The following RCOR1 variants were observed in gnomAD, a reference collection of about 807,000 sequenced individuals.
RCOR1 encodes the protein REST corepressor 1, also known as REST corepressor.
RCOR1 carries 12 observed loss-of-function variants against 64.0 expected under a neutral mutation model. The ratio of observed to expected loss-of-function variants is 0.19; its 90% CI spans 0.12 to 0.30. The LOEUF is 0.30. RCOR1 is among the 10% of genes least tolerant of loss of function. RCOR1 has a pLI of 1.00. For missense variants in RCOR1, 502 were observed against 621.2 expected, an observed-to-expected ratio of 0.81 and a Z score of 2.04; for synonymous variants, 279 against 227.2, an observed-to-expected ratio of 1.23 and a Z score of -2.05.
chr14:102,600,628 T>C (rs1481155461), intron 2 of RCOR1, among the ~76,000 whole-genome samples: 3 of 149,764 alleles, frequency 2.0e-5, no homozygotes, highest in Non-Finnish European at 4.4e-5. Flanking sequence ...TGGAGTGCAG[T>C]GGCGTGATCT....
At chr14:102,599,572 A>G (rs1446505812) in intron 2 of RCOR1, among the ~76,000 whole-genome samples, 6 of 152,136 alleles carry the variant, frequency 3.9e-5, no homozygotes, top group Non-Finnish European at 5.9e-5. Context: ...GTTTAATCCA[A>G]TGTATTTAAT....
chr14:102,709,811 T>C (rs1895922086), intron 6 of RCOR1, among the ~76,000 whole-genome samples: 1 of 152,248 alleles, frequency 6.6e-6, no homozygotes, highest in African/African-American at 2.4e-5. Context: ...AGATGCAGTT[T>C]ACTAAGCAGC....
chr14:102,599,803 G>T (rs1356641778), intron 2 of RCOR1, among the ~76,000 whole-genome samples: 40 of 93,820 alleles, frequency 4.3e-4, no homozygotes, highest in African/African-American at 1.2e-3. Flanking sequence ...GTTTTGTTTT[G>T]TTTTGTTTTT....
Position 102,722,357 on chromosome 14 carries a change from A to G in RCOR1, c.1360A>G (p.Asn454Asp). 1 of 1,614,182 alleles carries G rather than the reference A, an allele frequency of 6.2e-7. No individual in the cohort carries two copies. The highest frequency in any genetic ancestry group is 1.1e-5 in the South Asian group (1 of 91,084). The stretch of plus-strand genomic sequence containing the variant: ...TAAAGAAGAGACCAATGGGCCCAGT[A>G]ACCAGAAGCCTGTGAAGTCCCCAGA... ...HGKEETNGPS[N>D]QKPVKSPDNS... The change falls in exon 11 of 12, where the codon AAC becomes GAC. Residue 454 changes from asparagine (N) to aspartate (D), a missense_variant. Coordinates refer to ENST00000262241, the MANE Select transcript of RCOR1 (RefSeq NM_015156.4).
At chr14:102,708,837 G>A (rs556640831) in intron 6 of RCOR1, among the ~76,000 whole-genome samples, 3 of 152,198 alleles carry the variant, frequency 2.0e-5, no homozygotes, top group African/African-American at 7.2e-5. Context: ...AGAAGGGGTG[G>A]CTCCTTTTAA....
Position 102,639,157 on chromosome 14 carries a change from TTTC to T in RCOR1, c.362-42735_362-42733del, listed in dbSNP as rs1894305825. Among the ~76,000 whole-genome samples the T allele has an allele frequency of 2.6e-5, 4 of 152,264 alleles. No individual in the cohort carries two copies. The South Asian group carries it at 8.3e-4, about 32-fold the overall frequency. ...TCCCATTAAAAAGCATTTGGATGGTTTTCTTTTGTGCGGTGAAGGTAACTAAAC... is the reference window on the plus strand; with the variant it reads ...TCCCATTAAAAAGCATTTGGATGGTTTTTTGTGCGGTGAAGGTAACTAAAC... On this transcript the variant is annotated intron_variant, in intron 2 of 11. Coordinates refer to ENST00000262241, the MANE Select transcript of RCOR1 (RefSeq NM_015156.4).
intron 2 of RCOR1, among the ~76,000 whole-genome samples, chr14:102,599,251 C>A (rs1045349209): frequency 6.6e-6 from 1 of 151,890 alleles, no homozygotes; most frequent in Non-Finnish European, 1.5e-5. Context: ...TACTTTACCT[C>A]GAAAGTAGCT....
chr14:102,706,253 T>C (rs766222942), intron 4 of RCOR1, among the ~76,000 whole-genome samples: 2 of 146,838 alleles, frequency 1.4e-5, no homozygotes, highest in Non-Finnish European at 3.0e-5. Context: ...ACTTTAAATA[T>C]AAATGGGTTA....
At chr14:102,645,586 A>G (rs910733092) in intron 2 of RCOR1, among the ~76,000 whole-genome samples, 14 of 152,204 alleles carry the variant, frequency 9.2e-5, no homozygotes, top group South Asian at 2.1e-4. Context: ...AGGCCTTGCA[A>G]TTTCCACCTG....
rs527629508 is a variant in RCOR1, at chr14:102,725,407, G to A, written c.1420-1061G>A. On this transcript the variant is annotated intron_variant, in intron 11 of 11. Transcript: ENST00000262241. ...TTTAAAAAATGGGAGAGGGGAGTTAGGAAATGCCTCATAGCTTTTAAAGAA... is the reference window on the plus strand; with the variant it reads ...TTTAAAAAATGGGAGAGGGGAGTTAAGAAATGCCTCATAGCTTTTAAAGAA... Among the ~76,000 whole-genome samples the A allele has an allele frequency of 6.6e-4, 100 of 152,290 alleles. 1 individual carries two copies. The highest frequency in any genetic ancestry group is 6.8e-3 in the Middle Eastern group (2 of 294).
At chr14:102,703,308 T>C (rs1895785111) in intron 4 of RCOR1, among the ~76,000 whole-genome samples, 1 of 152,096 alleles carries the variant, frequency 6.6e-6, no homozygotes, top group African/African-American at 2.4e-5. Flanking sequence ...GAAGAAATAA[T>C]GGCCAAAAAT....
intron 9 of RCOR1, 55 bp downstream of exon 9, chr14:102,721,139 G>T: frequency 1.7e-6 from 2 of 1,184,176 alleles, no homozygotes; most frequent in South Asian, 2.7e-5. Flanking sequence ...ACATGTTTAA[G>T]AATTTAATAT....
In RCOR1 at chr14:102,730,165, T is replaced by C. The variant is rs887802797; in HGVS notation, c.*3659T>C. 1.0e-5 allele frequency: 4 copies of C among 397,622 alleles called. No individual in the cohort carries two copies. Among genetic ancestry groups the C allele is most frequent in the African/African-American group, 6.2e-5 (3 of 48,640 alleles). The allele number at this position is 397,622 out of a possible 1,614,324, so 24.6% of individuals were successfully genotyped here. A position where few individuals can be genotyped will look rare whatever the true frequency, so the allele number is the denominator to read the frequency against. ...AAAACGAAATTTATACCGGGGTGGATAGTATTCCATTAGGTAGACTTATCG... is the reference window on the plus strand; with the variant it reads ...AAAACGAAATTTATACCGGGGTGGACAGTATTCCATTAGGTAGACTTATCG... On this transcript the variant is annotated 3_prime_UTR_variant, in exon 12 of 12. Coordinates refer to ENST00000262241, the MANE Select transcript of RCOR1 (RefSeq NM_015156.4).
intron 3 of RCOR1, among the ~76,000 whole-genome samples, chr14:102,700,714 A>G (rs1485646542): frequency 1.3e-5 from 2 of 152,214 alleles, no homozygotes; most frequent in African/African-American, 4.8e-5. Context: ...ACTGCTGTTA[A>G]TATTTGAGAA....
intron 2 of RCOR1, among the ~76,000 whole-genome samples, chr14:102,631,139 A>G (rs1894103139): frequency 6.6e-6 from 1 of 151,984 alleles, no homozygotes; most frequent in Non-Finnish European, 1.5e-5. Context: ...GACCATCCCA[A>G]ACTCACTGTG....
At chr14:102,692,761 T>C (rs1439275046) in intron 3 of RCOR1, among the ~76,000 whole-genome samples, 1 of 113,932 alleles carries the variant, frequency 8.8e-6, no homozygotes, top group African/African-American at 3.5e-5. Context: ...TCCTTCTTTT[T>C]CTTTTTCTTT....
At chr14:102,716,213 C>T (rs58955055) in intron 8 of RCOR1, among the ~76,000 whole-genome samples, 1 of 152,106 alleles carries the variant, frequency 6.6e-6, no homozygotes, top group African/African-American at 2.4e-5. Flanking sequence ...CATGTCTACT[C>T]AAGTCTCATC....
intron 2 of RCOR1, among the ~76,000 whole-genome samples, chr14:102,624,285 C>T (rs1041222063): frequency 1.3e-5 from 2 of 151,946 alleles, no homozygotes; most frequent in Non-Finnish European, 2.9e-5. Context: ...GGGCGGATCA[C>T]CTGACGTCAG....
intron 3 of RCOR1, 22 bp from the exon 4 acceptor site, chr14:102,701,256 G>T: frequency 1.2e-6 from 2 of 1,605,062 alleles, no homozygotes; most frequent in South Asian, 2.2e-5. Context: ...TTTGTTTAAT[G>T]GCATCTCTTC....
Sources: allele counts gnomAD v4.1 joint callset (sites outside exome capture counted in the v4.1 genomes callset), GRCh38; gene constraint gnomAD v4.1.1; transcripts MANE v1.5; gene names NCBI Gene and HGNC (gene_info 2026-07-23, HGNC 2026-07-21).